The following ELP1 variants were observed in gnomAD, a reference collection of about 807,000 sequenced individuals.
ELP1 encodes the protein elongator complex protein 1.
A neutral mutation model predicts 183.2 loss-of-function variants in ELP1; 131 were observed. That is an observed-to-expected ratio of 0.72 (90% CI 0.62 to 0.83). The LOEUF (loss-of-function observed/expected upper bound fraction) is 0.83, where lower values mean the gene tolerates loss of function less well. ELP1 is among the 40% of genes least tolerant of loss of function. ELP1 has a pLI of 0.00. For missense variants in ELP1, 1,550 were observed against 1,594.9 expected (o/e 0.97, Z 0.48); for synonymous variants, 555 against 569.0 (o/e 0.98, Z 0.35).
intron 36 of ELP1, among the ~76,000 whole-genome samples, chr9:108,872,593 A>G (rs1359669913): frequency 2.0e-5 from 3 of 151,868 alleles, no homozygotes; most frequent in Admixed American, 2.0e-4. Flanking sequence ...TCACGAGGTC[A>G]GGAGATCGAG....
chr9:108,916,962 A>C (rs1250033546), intron 9 of ELP1, among the ~76,000 whole-genome samples: 1 of 152,240 alleles, frequency 6.6e-6, no homozygotes, highest in Non-Finnish European at 1.5e-5. Context: ...CATCTTCATT[A>C]CTGGAAAAAT....
intron 5 of ELP1, among the ~76,000 whole-genome samples, 156 bp downstream of exon 5, chr9:108,926,367 G>A (rs1829824270): frequency 6.6e-6 from 1 of 152,148 alleles, no homozygotes; most frequent in South Asian, 2.1e-4. Flanking sequence ...TTAAGATTTG[G>A]GATGGGCTGA....
At chr9:108,917,509 C>T (rs750699338) in intron 9 of ELP1, 38 bp downstream of exon 9, 3 of 1,601,824 alleles carry the variant, frequency 1.9e-6, no homozygotes, top group Non-Finnish European at 2.6e-6. Flanking sequence ...TATGGAAAGT[C>T]CTCTACATTC....
At position 108,891,388 on chromosome 9, in the gene ELP1, T is replaced by A. The variant is rs372723869; in HGVS notation, c.2975A>T (p.Tyr992Phe). 7.4e-6 allele frequency: 12 copies of A among 1,613,518 alleles called. No homozygotes were observed. Among genetic ancestry groups the A allele is most frequent in the Middle Eastern group, 1.7e-4 (1 of 5,736 alleles). Residue 992 changes from tyrosine (Y) to phenylalanine (F), a missense_variant, in exon 28 of 37, where the codon TAT (tyrosine) becomes TTT (phenylalanine). Tyr to Phe is a conservative substitution (Grantham distance 22). Transcript: ENST00000374647. ...GTGCTCCTGCATCAGGTGCTCCCCA[T>A]AAGCAATGCTGATATCCTGTGACAA... The part of the protein sequence containing the change: ...SQQYQDISIA[Y>F]GEHLMQEHMY...
At chr9:108,873,883 A>G (rs907946326) in intron 36 of ELP1, among the ~76,000 whole-genome samples, 1 of 151,230 alleles carries the variant, frequency 6.6e-6, no homozygotes, top group Non-Finnish European at 1.5e-5. Flanking sequence ...AAAACTTAAG[A>G]AAAAAAAAGG....
intron 36 of ELP1, among the ~76,000 whole-genome samples, chr9:108,869,590 T>C (rs984042054): frequency 2.0e-5 from 3 of 152,186 alleles, no homozygotes; most frequent in African/African-American, 7.2e-5. Context: ...TGATAGCACA[T>C]ATTCAGTAAG....
At chr9:108,907,397 A>C (rs1167548758) in intron 13 of ELP1, among the ~76,000 whole-genome samples, 1 of 152,210 alleles carries the variant, frequency 6.6e-6, no homozygotes, top group Non-Finnish European at 1.5e-5. Flanking sequence ...GAAATAATGC[A>C]TGTAAATGCT....
At chr9:108,886,395 C>A (rs1261240940) in intron 29 of ELP1, among the ~76,000 whole-genome samples, 1 of 152,142 alleles carries the variant, frequency 6.6e-6, no homozygotes, top group Non-Finnish European at 1.5e-5. Flanking sequence ...TACAATATCC[C>A]TCATGAACAC....
Position 108,902,837 on chromosome 9 carries a change from A to G in ELP1, c.1854+2T>C. 1 of 1,608,002 alleles carries G rather than the reference A, an allele frequency of 6.2e-7. No individual in the cohort carries two copies. Among genetic ancestry groups the G allele is most frequent in the South Asian group, 1.1e-5 (1 of 90,944 alleles). On this transcript the variant is annotated splice_donor_variant, in intron 16 of 36. Coordinates refer to ENST00000374647, the MANE Select transcript of ELP1 (RefSeq NM_003640.5). LOFTEE classifies it high-confidence loss of function. ...TAAATTTCCTGCTCCGTGTTCACCT[A>G]CCTCTTCTCCAATCATGGCCAATTC...
chr9:108,896,174 G>A (rs544937827), intron 25 of ELP1, among the ~76,000 whole-genome samples: 6 of 152,070 alleles, frequency 3.9e-5, no homozygotes, highest in Non-Finnish European at 8.8e-5. Flanking sequence ...GGAGAATGGC[G>A]TGAACACGGG....
chr9:108,893,147 A>G, intron 26 of ELP1, 64 bp from the exon 27 acceptor site: 1 of 1,095,526 alleles, frequency 9.1e-7, no homozygotes, highest in South Asian at 1.2e-5. Context: ...GACTTCATTT[A>G]TACCAATGGT....
intron 35 of ELP1, among the ~76,000 whole-genome samples, chr9:108,876,971 TC>T: frequency 6.6e-6 from 1 of 152,310 alleles, no homozygotes; most frequent in East Asian, 1.9e-4. Flanking sequence ...CTTCAGGTGA[TC>T]CGCCTGCCTT....
chr9:108,903,023 A>G, intron 15 of ELP1, 81 bp from the exon 16 acceptor site: 1 of 915,804 alleles, frequency 1.1e-6, no homozygotes, highest in South Asian at 1.4e-5. Flanking sequence ...TTGCTAAAAC[A>G]CTTAACATGC....
chr9:108,913,593 T>A (rs1829314487), intron 10 of ELP1, among the ~76,000 whole-genome samples: 1 of 152,138 alleles, frequency 6.6e-6, no homozygotes, highest in East Asian at 1.9e-4. Flanking sequence ...ATGCTGATGT[T>A]CTGTGAGCAC....
At chr9:108,881,521 C>G (rs528382161) in intron 31 of ELP1, among the ~76,000 whole-genome samples, 184 bp downstream of exon 31, 1 of 152,142 alleles carries the variant, frequency 6.6e-6, no homozygotes, top group East Asian at 1.9e-4. Context: ...TATTTTGTTA[C>G]CATTTAATAG....
intron 35 of ELP1, chr9:108,875,536 C>T (rs1184483892): frequency 7.5e-6 from 2 of 264,932 alleles, no homozygotes; most frequent in Non-Finnish European, 7.5e-6. Context: ...AAGTCACTCA[C>T]GGTATCCTGC....
chr9:108,891,838 G>A (rs1055209518), intron 27 of ELP1, among the ~76,000 whole-genome samples: 6 of 152,150 alleles, frequency 3.9e-5, no homozygotes, highest in Non-Finnish European at 8.8e-5. Flanking sequence ...TCTAATGGCT[G>A]TCAGGAGAAT....
chr9:108,917,519 C>G, intron 9 of ELP1, 28 bp downstream of exon 9: 1 of 1,608,286 alleles, frequency 6.2e-7, no homozygotes, highest in South Asian at 1.1e-5. Context: ...CCTCTACATT[C>G]GAGGGTGAAA....
intron 5 of ELP1, 49 bp from the exon 6 acceptor site, chr9:108,922,976 A>G (rs1254770337): frequency 2.2e-6 from 3 of 1,350,306 alleles, no homozygotes; most frequent in African/African-American, 1.4e-5. Flanking sequence ...AAATGAAACA[A>G]AAACAGTTTC....
Sources: gnomAD v4.1 joint callset for allele counts (sites outside exome capture counted in the v4.1 genomes callset) on GRCh38, gnomAD v4.1.1 for gene constraint, MANE v1.5 for transcripts, NCBI Gene and HGNC (gene_info 2026-07-23, HGNC 2026-07-21) for gene names.